Variants in TIMP1 observed in about 807,000 individuals in gnomAD.
TIMP1 encodes the protein metalloproteinase inhibitor 1.
In TIMP1, 5 loss-of-function variants were observed where a neutral mutation model predicts 13.7. The observed-to-expected ratio is 0.36, with a 90% CI of 0.19 to 0.76. The LOEUF is 0.76. Among genes scored for constraint, TIMP1 ranks in the 30% least tolerant of loss-of-function variants. The pLI is 0.51. For missense variants in TIMP1, 131 were observed against 168.4 expected, an observed-to-expected ratio of 0.78 and a Z score of 1.23; for synonymous variants, 63 against 67.1, an observed-to-expected ratio of 0.94 and a Z score of 0.30.
At chrX:47,585,388 AGCAACCACGAGGGGGCGAGGCT>A (rs752630595) in intron 4 of TIMP1, 57 bp downstream of exon 4, 36 of 1,202,635 alleles carry the variant, frequency 3.0e-5, no homozygotes, top group Non-Finnish European at 4.0e-5. Flanking sequence ...GGCGCGGCCT[AGCAACCACGAGGGGGCGAGGCT>A]CTGATGGGAA....
At chrX:47,586,213 G>A (rs1312517697) in intron 5 of TIMP1, 35 of 751,247 alleles carry the variant, frequency 4.7e-5, no homozygotes, top group Non-Finnish European at 5.5e-5. Context: ...CCGCCAACCG[G>A]GTGGGGCCCC....
At chrX:47,583,792 C>T (rs2057810363) in intron 2 of TIMP1, among the ~76,000 whole-genome samples, 2 of 111,959 alleles carry the variant, frequency 1.8e-5, no homozygotes, top group African/African-American at 6.5e-5. Context: ...CAAACGTCAC[C>T]TTCTCAGGAT....
intron 5 of TIMP1, 125 bp from the exon 6 acceptor site, chrX:47,586,396 T>C (rs769716254): frequency 9.1e-7 from 1 of 1,097,232 alleles, no homozygotes; most frequent in Non-Finnish European, 1.2e-6. Context: ...TCCTGGGGTA[T>C]GTACTTAGGT....
At chrX:47,584,406 G>A (rs1169001961) in intron 2 of TIMP1, among the ~76,000 whole-genome samples, 1 of 111,310 alleles carries the variant, frequency 9.0e-6, no homozygotes, top group Non-Finnish European at 1.9e-5. Flanking sequence ...CAAGGCTCTC[G>A]GCTAAAACTG....
rs745627114 is a variant in TIMP1 at position 47,585,342 on chromosome X, G to A, written c.328+11G>A. On this transcript the variant is annotated intron_variant, in intron 4 of 5. Transcript: ENST00000218388. ...AGTTTCTCATTGCTGGTGAGGCACC[G>A]TCCCCGCGCCCTGTGCCACACCAAC... 40 of 1,209,552 alleles carry A rather than the reference G, an allele frequency of 3.3e-5. No individual in the cohort carries two copies. The highest frequency in any genetic ancestry group is 3.2e-5 in the Non-Finnish European group (29 of 894,955).
chrX:47,585,450 A>G, intron 4 of TIMP1, 93 bp from the exon 5 acceptor site: 1 of 1,191,705 alleles, frequency 8.4e-7, no homozygotes, highest in Middle Eastern at 2.3e-4. Flanking sequence ...GACCACCCCA[A>G]TTTCAGTCTA....
At chrX:47,583,062 C>T (rs1187967435) in intron 1 of TIMP1, among the ~76,000 whole-genome samples, 1 of 97,305 alleles carries the variant, frequency 1.0e-5, no homozygotes, top group Non-Finnish European at 2.1e-5. Context: ...ACTCCTCCAG[C>T]CCCCAATCCC....
At chrX:47,583,631 A>C in intron 2 of TIMP1, 95 bp downstream of exon 2, 3 of 972,859 alleles carry the variant, frequency 3.1e-6, no homozygotes, top group Non-Finnish European at 2.7e-6. Context: ...GAATGATTCC[A>C]CTCGCCCCTG....
intron 1 of TIMP1, 31 bp from the exon 2 acceptor site, chrX:47,583,376 CG>C: frequency 1.7e-6 from 2 of 1,172,592 alleles, no homozygotes. Flanking sequence ...TCAGCTGGGC[CG>C]GGGCCTGCCT....
chrX:47,585,477 T>C (rs780594296), intron 4 of TIMP1, 66 bp from the exon 5 acceptor site: 142 of 1,188,935 alleles, frequency 1.2e-4, no homozygotes, highest in Non-Finnish European at 1.6e-4. Flanking sequence ...GGCCGGGCCT[T>C]TGGCAGCTTG....
intron 5 of TIMP1, 55 bp from the exon 6 acceptor site, chrX:47,586,466 C>T: frequency 8.4e-7 from 1 of 1,184,896 alleles, no homozygotes; most frequent in South Asian, 1.9e-5. Context: ...GGAAGTTCTG[C>T]TCCACGGGGG....
rs375327708 is a variant in TIMP1, at chrX:47,586,759, G to A, written c.*68G>A. The A allele has an allele frequency of 3.6e-5, 41 of 1,135,455 alleles. 1 individual carries two copies. The South Asian group carries it at 6.9e-4, about 19-fold the overall frequency. 93.6% of individuals were successfully genotyped at this position (1,135,455 alleles called of 1,213,427 possible). A position where few individuals can be genotyped will look rare whatever the true frequency, so the allele number is the denominator to read the frequency against. On this transcript the variant is annotated 3_prime_UTR_variant, in exon 6 of 6. Transcript: ENST00000218388. ...CTGTTCCCACTCCCATCTTTCTTCC[G>A]GACAATGAAATAAAGAGTTACCACC...
At position 47,586,596 on chromosome X, in the gene TIMP1, G is replaced by C; in HGVS notation, c.529G>C (p.Gly177Arg). The change falls in exon 6 of 6, where the codon GGC (glycine) becomes CGC (arginine). Residue 177 changes from glycine (G) to arginine (R), a missense_variant. Transcript: ENST00000218388. ...CTTGTGGACGGACCAGCTCCTCCAA[G>C]GCTCTGAAAAGGGCTTCCAGTCCCG... ...HCLWTDQLLQ[G>R]SEKGFQSRHL... 8.2e-7 allele frequency: 1 copy of C among 1,212,174 alleles called. No homozygotes were observed. Among genetic ancestry groups the C allele is most frequent in the Non-Finnish European group, 1.1e-6 (1 of 895,609 alleles).
Position 47,585,029 on chromosome X carries a change from C to T in TIMP1, c.201+14C>T, listed in dbSNP as rs770761313. The T allele has an allele frequency of 3.3e-6, 4 of 1,203,302 alleles. No individual in the cohort carries two copies. The South Asian group carries it at 7.2e-5, about 22-fold the overall frequency. On this transcript the variant is annotated intron_variant, in intron 3 of 5. Transcript: ENST00000218388. ...AAGATGACCAAGGTATCCCCTGCCC[C>T]CGCCTCTTTCCCAGCATTTTCTAAC...
At chrX:47,586,211 C>G (rs746298231) in intron 5 of TIMP1, 8 of 753,071 alleles carry the variant, frequency 1.1e-5, no homozygotes, top group Non-Finnish European at 1.3e-5. Context: ...AGCCGCCAAC[C>G]GGGTGGGGCC....
At chrX:47,584,814 C>CCAA (rs1418198725) in intron 2 of TIMP1, 122 bp from the exon 3 acceptor site, 5 of 548,345 alleles carry the variant, frequency 9.1e-6, no homozygotes, top group Non-Finnish European at 1.5e-5. Flanking sequence ...TGTGTGCTGT[C>CCAA]TGGCATCCAA....
chrX:47,584,209 A>G (rs1209767476), intron 2 of TIMP1, among the ~76,000 whole-genome samples: 1 of 110,904 alleles, frequency 9.0e-6, no homozygotes, highest in Non-Finnish European at 1.9e-5. Context: ...ATGATCAGGT[A>G]TTGAGGATGA....
At chrX:47,586,392 G>A (rs1322734113) in intron 5 of TIMP1, 129 bp from the exon 6 acceptor site, 1 of 1,100,350 alleles carries the variant, frequency 9.1e-7, no homozygotes, top group African/African-American at 1.8e-5. Flanking sequence ...GCTGTCCTGG[G>A]GTATGTACTT....
chrX:47,582,686 TC>T, intron 1 of TIMP1: 1 of 274,355 alleles, frequency 3.6e-6, no homozygotes, highest in African/African-American at 2.9e-5. Context: ...ACCCCTGACA[TC>T]CGCCCCCAAT....
Sources: allele counts gnomAD v4.1 joint callset (sites outside exome capture counted in the v4.1 genomes callset), GRCh38; gene constraint gnomAD v4.1.1; transcripts MANE v1.5; gene names NCBI Gene and HGNC (gene_info 2026-07-23, HGNC 2026-07-21).